Variants in DTWD2 observed in about 807,000 individuals in gnomAD.
DTWD2 encodes the protein tRNA-uridine aminocarboxypropyltransferase 2.
A neutral mutation model predicts 31.8 loss-of-function variants in DTWD2; 39 were observed. The observed-to-expected ratio is 1.22, with a 90% confidence interval of 0.95 to 1.60. DTWD2 has a LOEUF of 1.60. Among genes scored for constraint, DTWD2 ranks in the 40% most tolerant of loss-of-function variants. The probability of loss-of-function intolerance (pLI) is 0.00; values close to 1 mark genes in which losing one functional copy is unlikely to be tolerated. For missense variants in DTWD2, 515 were observed against 381.5 expected, an observed-to-expected ratio of 1.35 and a Z score of -2.92; for synonymous variants, 180 against 142.8, an observed-to-expected ratio of 1.26 and a Z score of -1.86.
chr5:118,840,078 C>T lies in DTWD2; in HGVS notation c.*839G>A, dbSNP rs939906498. 1.3e-5 allele frequency: 2 copies of T among 152,094 alleles called. No individual in the cohort carries two copies. Among genetic ancestry groups the T allele is most frequent in the Admixed American group, 1.3e-4 (2 of 15,270 alleles). The allele number at this position is 152,094 out of a possible 1,614,324, so 9.4% of individuals were successfully genotyped here. On this transcript the variant is annotated 3_prime_UTR_variant, in exon 6 of 6. Transcript: ENST00000510708. ...TATACAAAATCTCAGCAAATATTTT[C>T]CCACAGAGCAGGAAGAATTTTTTCT...
rs1045762354 is a variant in DTWD2 at position 118,838,373 on chromosome 5, T to A, written c.*2544A>T. ...AAACCTACTATCAGCTACAAATTCA[T>A]AAAACTTGGAACTTCCAGGAAAAAT... On this transcript the variant is annotated 3_prime_UTR_variant, in exon 6 of 6. Transcript: ENST00000510708. 1 of 139,658 alleles carries A rather than the reference T, an allele frequency of 7.2e-6. No individual in the cohort carries two copies. Among genetic ancestry groups the A allele is most frequent in the South Asian group, 2.2e-4 (1 of 4,570 alleles). 8.7% of individuals were successfully genotyped at this position (139,658 alleles called of 1,614,324 possible). A position where few individuals can be genotyped will look rare whatever the true frequency, so the allele number is the denominator to read the frequency against.
intron 4 of DTWD2, among the ~76,000 whole-genome samples, chr5:118,894,580 A>G (rs1012674138): frequency 6.6e-6 from 1 of 152,130 alleles, no homozygotes; most frequent in Non-Finnish European, 1.5e-5. Flanking sequence ...TCAAAAAATG[A>G]AATCAAGGTA....
At chr5:118,842,923 G>T (rs1470634166) in intron 5 of DTWD2, among the ~76,000 whole-genome samples, 1 of 150,518 alleles carries the variant, frequency 6.6e-6, no homozygotes, top group Admixed American at 6.6e-5. Flanking sequence ...CTCCAGCCTT[G>T]GTGACAGAAT....
intron 4 of DTWD2, among the ~76,000 whole-genome samples, chr5:118,900,572 C>A (rs1466594911): frequency 6.6e-6 from 1 of 152,090 alleles, no homozygotes; most frequent in Non-Finnish European, 1.5e-5. Context: ...AGTATTTTGT[C>A]TTAAGATAGA....
intron 4 of DTWD2, among the ~76,000 whole-genome samples, chr5:118,916,456 G>A (rs1191133225): frequency 4.0e-5 from 6 of 151,878 alleles, no homozygotes; most frequent in Admixed American, 1.3e-4. Context: ...ACCTGAGGTC[G>A]GGAGTTCGAG....
At chr5:118,913,432 T>TACACACAC (rs56346643) in intron 4 of DTWD2, among the ~76,000 whole-genome samples, 1 of 137,722 alleles carries the variant, frequency 7.3e-6, no homozygotes, top group African/African-American at 2.7e-5. Flanking sequence ...TATATATATA[T>TACACACAC]ACACACACAC....
intron 1 of DTWD2, among the ~76,000 whole-genome samples, chr5:118,951,414 G>A (rs1001079848): frequency 1.3e-5 from 2 of 152,060 alleles, no homozygotes; most frequent in African/African-American, 4.8e-5. Flanking sequence ...GAAAGATTTG[G>A]GACGAGTTGC....
At chr5:118,878,486 C>T (rs1752669646) in intron 4 of DTWD2, among the ~76,000 whole-genome samples, 1 of 152,130 alleles carries the variant, frequency 6.6e-6, no homozygotes, top group Admixed American at 6.5e-5. Context: ...TGGACCCCTT[C>T]ATTATACCAT....
chr5:118,934,101 C>T (rs1336867430), intron 3 of DTWD2, among the ~76,000 whole-genome samples: 1 of 150,026 alleles, frequency 6.7e-6, no homozygotes, highest in African/African-American at 2.4e-5. Flanking sequence ...TATTAAAATA[C>T]GTAAAGTACC....
intron 3 of DTWD2, among the ~76,000 whole-genome samples, chr5:118,930,857 G>A (rs566031684): frequency 2.4e-4 from 36 of 152,254 alleles, no homozygotes; most frequent in East Asian, 9.6e-4. Context: ...CTGGGAAGGC[G>A]CAGGGAGTTG....
Position 118,944,689 on chromosome 5 carries a change from A to G in DTWD2, c.219-40T>C, listed in dbSNP as rs779276699. On this transcript the variant is annotated intron_variant, in intron 1 of 5. Coordinates refer to ENST00000510708, the MANE Select transcript of DTWD2 (RefSeq NM_173666.4). Reference sequence around the variant, plus strand: ...GAAAAATAAAACTGGTAAATTTTAAAAATACAATGATATAACAATTTTTTA... The same window carrying G: ...GAAAAATAAAACTGGTAAATTTTAAGAATACAATGATATAACAATTTTTTA... The G allele has an allele frequency of 2.9e-5, 46 of 1,588,552 alleles. No individual in the cohort carries two copies. In the African/African-American group the frequency reaches 5.0e-4, roughly 17 times the overall value.
chr5:118,979,484 G>T (rs1755244377), intron 1 of DTWD2, among the ~76,000 whole-genome samples: 1 of 152,108 alleles, frequency 6.6e-6, no homozygotes, highest in Non-Finnish European at 1.5e-5. Context: ...AATATCATGT[G>T]ACCTAGTAGT....
chr5:118,969,934 G>A (rs1357307721), intron 1 of DTWD2, among the ~76,000 whole-genome samples: 1 of 152,150 alleles, frequency 6.6e-6, no homozygotes, highest in Non-Finnish European at 1.5e-5. Flanking sequence ...TAAGAATCAT[G>A]ATAAAACAAT....
At chr5:118,918,105 GGGACACA>G (rs1366592225) in intron 4 of DTWD2, among the ~76,000 whole-genome samples, 11 of 152,062 alleles carry the variant, frequency 7.2e-5, no homozygotes, top group African/African-American at 2.7e-4. Context: ...ATTTTGGGTG[GGGACACA>G]GCCAAACCAT....
chr5:118,867,110 A>G (rs907211446), intron 4 of DTWD2, among the ~76,000 whole-genome samples: 7 of 152,166 alleles, frequency 4.6e-5, no homozygotes, highest in African/African-American at 1.7e-4. Flanking sequence ...ACAAAAATAC[A>G]TTAAAAACTT....
intron 1 of DTWD2, among the ~76,000 whole-genome samples, chr5:118,965,991 T>C (rs1019623277): frequency 1.3e-5 from 2 of 150,054 alleles, no homozygotes; most frequent in Admixed American, 6.6e-5. Flanking sequence ...AAAAAAGAGA[T>C]GCCAGGAAGA....
intron 1 of DTWD2, among the ~76,000 whole-genome samples, chr5:118,967,283 A>C (rs1193922787): frequency 3.9e-5 from 6 of 152,216 alleles, no homozygotes; most frequent in African/African-American, 1.4e-4. Context: ...GTAGGTGTAC[A>C]TATAGATTTA....
intron 2 of DTWD2, among the ~76,000 whole-genome samples, chr5:118,942,368 A>G (rs748102050): frequency 2.6e-5 from 4 of 152,146 alleles, no homozygotes; most frequent in African/African-American, 7.2e-5. Context: ...ATAATAATAG[A>G]AAATTCCTTT....
intron 3 of DTWD2, among the ~76,000 whole-genome samples, chr5:118,938,972 T>C (rs1021485327): frequency 1.3e-5 from 2 of 152,174 alleles, no homozygotes; most frequent in Admixed American, 1.3e-4. Context: ...GATAATGCTA[T>C]CATTCCTTTG....
Sources: allele counts gnomAD v4.1 joint callset (sites outside exome capture counted in the v4.1 genomes callset), GRCh38; gene constraint gnomAD v4.1.1; transcripts MANE v1.5; gene names NCBI Gene and HGNC (gene_info 2026-07-23, HGNC 2026-07-21).